AMPH: variants seen among roughly 807,000 people sequenced by gnomAD.
The protein encoded by AMPH is amphiphysin, also known as amphiphysin (Stiff-Mann syndrome with breast cancer 128kD autoantigen).
In AMPH, 49 loss-of-function variants were observed where a neutral mutation model predicts 99.1. That is an observed-to-expected ratio of 0.49 (90% confidence interval 0.39 to 0.63). AMPH has a LOEUF of 0.63. Among genes scored for constraint, AMPH ranks in the 20% least tolerant of loss-of-function variants. The pLI, the probability that AMPH is intolerant of heterozygous loss-of-function variation, is 0.00. For missense variants in AMPH, 759 were observed against 863.4 expected, an observed-to-expected ratio of 0.88 and a Z score of 1.52; for synonymous variants, 314 against 317.3, an observed-to-expected ratio of 0.99 and a Z score of 0.11.
At chr7:38,421,698 G>GA (rs1251709856) in intron 16 of AMPH, among the ~76,000 whole-genome samples, 2 of 152,196 alleles carry the variant, frequency 1.3e-5, no homozygotes, top group Non-Finnish European at 2.9e-5. Flanking sequence ...ATTCCCATGA[G>GA]AAAACCATAG....
At chr7:38,626,912 C>T (rs1349913289) in intron 1 of AMPH, among the ~76,000 whole-genome samples, 1 of 152,178 alleles carries the variant, frequency 6.6e-6, no homozygotes, top group African/African-American at 2.4e-5. Context: ...TTTTTAACTG[C>T]ACACATAAAA....
At chr7:38,544,685 A>G (rs1790930601) in intron 1 of AMPH, among the ~76,000 whole-genome samples, 1 of 152,232 alleles carries the variant, frequency 6.6e-6, no homozygotes, top group African/African-American at 2.4e-5. Flanking sequence ...TAAACTTTGC[A>G]AAATGATTAA....
intron 17 of AMPH, among the ~76,000 whole-genome samples, chr7:38,413,330 C>T (rs1436160907): frequency 6.6e-6 from 1 of 150,876 alleles, no homozygotes; most frequent in Non-Finnish European, 1.5e-5. Context: ...TAATAACTGG[C>T]TTGCTTTTCC....
intron 1 of AMPH, among the ~76,000 whole-genome samples, chr7:38,574,756 A>G (rs2392584): frequency 0.28 from 42,805 of 151,902 alleles, 6,414 homozygotes; most frequent in Non-Finnish European, 0.34. Context: ...CTATTACCTT[A>G]ATAAAAATCA....
At chr7:38,451,646 A>G (rs1178186070) in intron 11 of AMPH, among the ~76,000 whole-genome samples, 5 of 152,152 alleles carry the variant, frequency 3.3e-5, no homozygotes, top group Admixed American at 2.6e-4. Flanking sequence ...AGCCTTAAAC[A>G]TGCCGATGTA....
chr7:38,543,987 A>G (rs1423383039), intron 1 of AMPH, among the ~76,000 whole-genome samples: 4 of 152,202 alleles, frequency 2.6e-5, no homozygotes, highest in Non-Finnish European at 5.9e-5. Context: ...TTAATGAGGA[A>G]ACTGGTAAGA....
intron 10 of AMPH, among the ~76,000 whole-genome samples, chr7:38,462,668 T>C (rs969546691): frequency 1.2e-4 from 18 of 152,190 alleles, no homozygotes; most frequent in African/African-American, 4.1e-4. Flanking sequence ...AGGATTTAAA[T>C]GGAGCATTGA....
At chr7:38,578,543 T>C (rs1185387680) in intron 1 of AMPH, among the ~76,000 whole-genome samples, 1 of 152,152 alleles carries the variant, frequency 6.6e-6, no homozygotes, top group Non-Finnish European at 1.5e-5. Flanking sequence ...GGGAAGATTT[T>C]TTGAAGCCAG....
rs768564392 is a variant in AMPH, at chr7:38,417,928, G to T, written c.1295C>A (p.Pro432His). Residue 432 changes from proline (P) to histidine (H), a missense_variant, in exon 17 of 21, where the codon CCC becomes CAC. By Grantham distance (77) the Pro-to-His change is moderately conservative. This residue lies in a region of AMPH where 554 missense variants were observed against 575.6 expected (regional missense o/e 0.96). Transcript: ENST00000356264. ...CNLAESEQAP[P>H]TEPKAEEPLA... is the part of the protein sequence containing the mutation. ...AGGCTCCTCTGCTTTTGGCTCTGTG[G>T]GTGGAGCCTGTTCAGATTCAGCCTT... 8 of 1,613,968 alleles carry T rather than the reference G, an allele frequency of 5.0e-6. No individual in the cohort carries two copies. The East Asian group carries it at 1.1e-4, about 22-fold the overall frequency.
chr7:38,389,601 T>C (rs1784434390), intron 20 of AMPH, among the ~76,000 whole-genome samples: 1 of 152,210 alleles, frequency 6.6e-6, no homozygotes, highest in African/African-American at 2.4e-5. Flanking sequence ...GTTTGTATTA[T>C]ATAAAAAAAG....
intron 5 of AMPH, among the ~76,000 whole-genome samples, chr7:38,485,076 T>C (rs911611681): frequency 6.6e-6 from 1 of 151,492 alleles, no homozygotes; most frequent in Non-Finnish European, 1.5e-5. Flanking sequence ...AAATGAACAA[T>C]AAGACAAACA....
Position 38,572,884 on chromosome 7 carries a change from C to T in AMPH, c.70-37873G>A, listed in dbSNP as rs1792102165. Among the ~76,000 whole-genome samples the T allele has an allele frequency of 2.0e-5, 3 of 152,150 alleles. No individual in the cohort carries two copies. The South Asian group carries it at 6.2e-4, about 31-fold the overall frequency. ...GAGGGCAGAGGAAGCGTGAGCATGG[C>T]CTCTGAAGACAAGCAGGCCCAGGAC... On this transcript the variant is annotated intron_variant, in intron 1 of 20. Transcript: ENST00000356264.
intron 11 of AMPH, among the ~76,000 whole-genome samples, chr7:38,445,031 T>C (rs1249746351): frequency 1.4e-5 from 2 of 140,926 alleles, no homozygotes; most frequent in African/African-American, 2.6e-5. Context: ...ACACGGTATA[T>C]ACATATATAT....
At chr7:38,465,053 G>T (rs1457354479) in intron 9 of AMPH, among the ~76,000 whole-genome samples, 1 of 152,178 alleles carries the variant, frequency 6.6e-6, no homozygotes, top group Non-Finnish European at 1.5e-5. Context: ...TCCCAAAATG[G>T]ATTCATGAAA....
At chr7:38,577,847 G>C (rs2129054321) in intron 1 of AMPH, among the ~76,000 whole-genome samples, 1 of 152,042 alleles carries the variant, frequency 6.6e-6, no homozygotes, top group East Asian at 1.9e-4. Context: ...AGGGAAGACG[G>C]AACATAAAAG....
intron 4 of AMPH, among the ~76,000 whole-genome samples, chr7:38,491,595 G>A (rs1430457486): frequency 6.6e-6 from 1 of 152,164 alleles, no homozygotes; most frequent in African/African-American, 2.4e-5. Context: ...ATTGGGAAAG[G>A]TCTTACCATT....
intron 1 of AMPH, among the ~76,000 whole-genome samples, chr7:38,625,122 G>A (rs754401257): frequency 1.6e-4 from 25 of 151,990 alleles, no homozygotes; most frequent in African/African-American, 2.4e-4. Flanking sequence ...TTGAAAGCCC[G>A]GGAATATAGG....
chr7:38,564,278 C>A (rs1791652518), intron 1 of AMPH, among the ~76,000 whole-genome samples: 2 of 152,176 alleles, frequency 1.3e-5, no homozygotes, highest in Non-Finnish European at 2.9e-5. Flanking sequence ...GGTGACAGAA[C>A]CCCTGCACAC....
intron 1 of AMPH, among the ~76,000 whole-genome samples, chr7:38,547,833 A>T (rs531035818): frequency 5.3e-5 from 8 of 152,298 alleles, no homozygotes; most frequent in Admixed American, 6.5e-5. Context: ...AAACAGTTGC[A>T]TTCTTTTGAG....
Sources: gnomAD v4.1 joint callset for allele counts (sites outside exome capture counted in the v4.1 genomes callset) on GRCh38, gnomAD v4.1.1 for gene constraint, gnomAD v4.1.1 regional missense constraint, MANE v1.5 for transcripts, NCBI Gene and HGNC (gene_info 2026-07-23, HGNC 2026-07-21) for gene names.